C8orf34: variants seen among roughly 807,000 people sequenced by gnomAD.
The protein encoded by C8orf34 is chromosome 8 open reading frame 34, also known as uncharacterized protein C8orf34.
A neutral mutation model predicts 68.3 loss-of-function variants in C8orf34; 65 were observed. The ratio of observed to expected loss-of-function variants is 0.95; its 90% CI spans 0.78 to 1.17. C8orf34 has a LOEUF of 1.17. C8orf34 is among the 50% of genes most tolerant of loss of function. C8orf34 has a pLI of 0.00. For synonymous variants in C8orf34, 244 were observed against 241.2 expected, an observed-to-expected ratio of 1.01 and a Z score of -0.11; for missense variants, 664 against 655.4, an observed-to-expected ratio of 1.01 and a Z score of -0.14.
rs186884231 is a variant in C8orf34 at position 68,668,587 on chromosome 8, C to T, written c.1241+28076C>T. 7.9e-5 allele frequency among the ~76,000 whole-genome samples: 12 copies of T among 152,224 alleles called. No individual in the cohort carries two copies. In the East Asian group the frequency reaches 1.9e-3, roughly 25 times the overall value. On this transcript the variant is annotated intron_variant, in intron 8 of 13. Transcript: ENST00000518698. ...GGAGAGTTGGTGTTGAGTAAAAGAT[C>T]GGACAAGATGACCTGGTAGGCAGAA...
At position 68,527,741 on chromosome 8, in the gene C8orf34, C is replaced by G. The variant is rs150870591; in HGVS notation, c.939-5242C>G. On this transcript the variant is annotated intron_variant, in intron 6 of 13. Coordinates refer to ENST00000518698, the MANE Select transcript of C8orf34 (RefSeq NM_052958.4). ...CTCTTCAGAAAGCTGTTCTAAGAAT[C>G]CTGTTATTAAGCTTTAGGTTCAAAT... 2.7e-4 allele frequency among the ~76,000 whole-genome samples: 41 copies of G among 152,256 alleles called. 2 individuals carry two copies. In the East Asian group the frequency reaches 7.9e-3, roughly 29 times the overall value.
chr8:68,610,867 T>TTTG lies in C8orf34; in HGVS notation c.1106-29507_1106-29506insGTT, dbSNP rs1263181553. Reference sequence around the variant, plus strand: ...TGGTTACAGTGAATCTTTGGTTTTTTTTTTTTTTTTTTTTGAGACAGAGTT... The same window carrying TTTG: ...TGGTTACAGTGAATCTTTGGTTTTTTTTGTTTTTTTTTTTTTTGAGACAGAGTT... On this transcript the variant is annotated intron_variant, in intron 7 of 13. Coordinates refer to ENST00000518698, the MANE Select transcript of C8orf34 (RefSeq NM_052958.4). 3.4e-3 allele frequency among the ~76,000 whole-genome samples: 507 copies of TTTG among 149,624 alleles called. 15 individuals carry two copies. The highest frequency in any genetic ancestry group is 0.012 in the African/African-American group (485 of 40,166).
chr8:68,433,420 A>T (rs150497824), intron 1 of C8orf34, among the ~76,000 whole-genome samples: 167 of 152,326 alleles, frequency 1.1e-3, no homozygotes, highest in African/African-American at 3.8e-3. Context: ...ATTTAACAAA[A>T]AAGGCCATGT....
At chr8:68,641,104 C>G (rs1818995238) in intron 8 of C8orf34, among the ~76,000 whole-genome samples, 1 of 152,230 alleles carries the variant, frequency 6.6e-6, no homozygotes, top group African/African-American at 2.4e-5. Context: ...GGAACTAAAT[C>G]TCATTTGCAA....
At chr8:68,676,375 T>C (rs1032077467) in intron 8 of C8orf34, among the ~76,000 whole-genome samples, 1 of 152,004 alleles carries the variant, frequency 6.6e-6, no homozygotes, top group Non-Finnish European at 1.5e-5. Context: ...GCACCAGATA[T>C]ATAAAGCAAA....
At chr8:68,796,127 C>T (rs1488117090) in intron 12 of C8orf34, among the ~76,000 whole-genome samples, 3 of 152,194 alleles carry the variant, frequency 2.0e-5, no homozygotes, top group East Asian at 1.9e-4. Context: ...TACTGCAGAG[C>T]TAGAGAGAAG....
chr8:68,501,376 C>A (rs1813765657), intron 5 of C8orf34, among the ~76,000 whole-genome samples: 1 of 152,146 alleles, frequency 6.6e-6, no homozygotes, highest in African/African-American at 2.4e-5. Context: ...GGCGCCCCGG[C>A]TTCACTTCCA....
chr8:68,573,706 G>A (rs1182785324), intron 7 of C8orf34, among the ~76,000 whole-genome samples: 6 of 152,050 alleles, frequency 3.9e-5, no homozygotes, highest in Non-Finnish European at 8.8e-5. Context: ...ATATCTAAGG[G>A]CATGCTTCCA....
At chr8:68,346,267 CT>C (rs76583643) in intron 1 of C8orf34, among the ~76,000 whole-genome samples, 7,917 of 133,352 alleles carry the variant, frequency 0.059, 475 homozygotes, top group African/African-American at 0.17. Flanking sequence ...ATCTCCCTAC[CT>C]TTTTTTTTTT....
At chr8:68,815,041 G>A (rs891051526) in intron 12 of C8orf34, among the ~76,000 whole-genome samples, 5 of 152,122 alleles carry the variant, frequency 3.3e-5, no homozygotes, top group African/African-American at 1.2e-4. Flanking sequence ...GAATCATCTA[G>A]ATTAACATCT....
At chr8:68,717,385 C>T (rs531771461) in intron 9 of C8orf34, among the ~76,000 whole-genome samples, 24 of 151,494 alleles carry the variant, frequency 1.6e-4, no homozygotes, top group African/African-American at 5.1e-4. Context: ...CCCAGCTACT[C>T]GGGAGGCTGA....
intron 5 of C8orf34, among the ~76,000 whole-genome samples, chr8:68,516,553 G>C (rs1311679359): frequency 2.6e-5 from 4 of 152,142 alleles, no homozygotes; most frequent in Admixed American, 6.5e-5. Flanking sequence ...CTGGATAGGT[G>C]AGCTTCTTGC....
At chr8:68,768,723 G>A (rs1823253334) in intron 10 of C8orf34, among the ~76,000 whole-genome samples, 1 of 152,022 alleles carries the variant, frequency 6.6e-6, no homozygotes, top group Admixed American at 6.6e-5. Flanking sequence ...ATTTGTAAGA[G>A]TCATATGAAA....
intron 8 of C8orf34, among the ~76,000 whole-genome samples, chr8:68,683,349 T>G (rs1820423204): frequency 6.6e-6 from 1 of 151,534 alleles, no homozygotes; most frequent in African/African-American, 2.4e-5. Context: ...ATAGTCAGCC[T>G]ATACTAGATG....
At chr8:68,771,485 C>T (rs1823333724) in intron 10 of C8orf34, among the ~76,000 whole-genome samples, 1 of 152,086 alleles carries the variant, frequency 6.6e-6, no homozygotes, top group African/African-American at 2.4e-5. Flanking sequence ...AGATACAGCA[C>T]ACATTTCAGT....
chr8:68,603,132 TG>T, intron 7 of C8orf34, among the ~76,000 whole-genome samples: 1 of 144,556 alleles, frequency 6.9e-6, no homozygotes, highest in East Asian at 2.0e-4. Context: ...CGTGGGATTA[TG>T]TCCAGGGTTT....
intron 3 of C8orf34, among the ~76,000 whole-genome samples, chr8:68,459,748 G>T (rs951291729): frequency 1.3e-5 from 2 of 152,152 alleles, no homozygotes; most frequent in Non-Finnish European, 2.9e-5. Context: ...AAAAGATGTG[G>T]AATCAACCTA....
chr8:68,603,366 G>T (rs1008673984), intron 7 of C8orf34, among the ~76,000 whole-genome samples: 1 of 151,976 alleles, frequency 6.6e-6, no homozygotes, highest in Non-Finnish European at 1.5e-5. Flanking sequence ...ATGCCCAAAA[G>T]AAATAAATGA....
intron 4 of C8orf34, among the ~76,000 whole-genome samples, chr8:68,481,601 C>A (rs1812862619): frequency 6.6e-6 from 1 of 152,214 alleles, no homozygotes; most frequent in Admixed American, 6.5e-5. Flanking sequence ...AGACTGTGTG[C>A]ACCCACCTCT....
Sources: gnomAD v4.1 joint callset for allele counts (sites outside exome capture counted in the v4.1 genomes callset) on GRCh38, gnomAD v4.1.1 for gene constraint, MANE v1.5 for transcripts, NCBI Gene and HGNC (gene_info 2026-07-23, HGNC 2026-07-21) for gene names.